The following ABCD4 variants were observed in gnomAD, a reference collection of about 807,000 sequenced individuals.
The protein encoded by ABCD4 is lysosomal cobalamin transporter ABCD4.
Under a neutral mutation model 86.3 loss-of-function variants are expected in ABCD4, and 53 were observed. The ratio of observed to expected loss-of-function variants is 0.61; its 90% CI spans 0.49 to 0.77. The LOEUF (loss-of-function observed/expected upper bound fraction) is 0.77. Ranked by LOEUF, ABCD4 falls within the 30% of genes least tolerant of loss-of-function variation. The pLI, the probability that ABCD4 is intolerant of heterozygous loss-of-function variation, is 0.00. For missense variants in ABCD4, 757 were observed against 764.5 expected (o/e 0.99, Z 0.12); for synonymous variants, 328 against 313.6 (o/e 1.05, Z -0.49).
intron 2 of ABCD4, 95 bp from the exon 3 acceptor site, chr14:74,299,770 G>A (rs1350321649): frequency 3.8e-6 from 5 of 1,329,384 alleles, no homozygotes; most frequent in Non-Finnish European, 2.1e-6. Flanking sequence ...ACCCCAAAGA[G>A]ATGAAAAGGG....
chr14:74,295,009 G>T, intron 7 of ABCD4, 139 bp downstream of exon 7: 2 of 1,012,044 alleles, frequency 2.0e-6, no homozygotes, highest in Non-Finnish European at 3.0e-6. Flanking sequence ...GCAGGGGGAG[G>T]TAGAGGGAGA....
At chr14:74,297,773 A>T in intron 4 of ABCD4, 157 bp downstream of exon 4, 1 of 1,385,150 alleles carries the variant, frequency 7.2e-7, no homozygotes, top group African/African-American at 1.5e-5. Context: ...CTTCTCCAGG[A>T]GTCCTCTGCA....
chr14:74,288,505 C>G (rs2080460088), intron 15 of ABCD4: 2 of 662,594 alleles, frequency 3.0e-6, no homozygotes, highest in Admixed American at 2.9e-5. Context: ...TTCATCAATC[C>G]TATTCTTGTT....
In ABCD4 at chr14:74,290,323, C is replaced by T. The variant is rs745414252; in HGVS notation, c.1295G>A (p.Arg432Gln). The change falls in exon 12 of 19, where the codon CGG becomes CAG. Residue 432 changes from arginine to glutamine, a missense_variant. Arg to Gln is a conservative substitution (Grantham distance 43). Transcript: ENST00000356924. ...NTGTGKTSLLRVLGGLWTSTR... is the reference protein window; with the variant it reads ...NTGTGKTSLLQVLGGLWTSTR... ...ACTCGTCCAGAGGCCACCCAGAACCCGGAGCAAGGAGGTCTTGCCAGTGCC... is the reference window on the plus strand; with the variant it reads ...ACTCGTCCAGAGGCCACCCAGAACCTGGAGCAAGGAGGTCTTGCCAGTGCC... The T allele has an allele frequency of 1.2e-5, 19 of 1,614,166 alleles. No individual in the cohort carries two copies. Among genetic ancestry groups the T allele is most frequent in the Non-Finnish European group, 1.4e-5 (17 of 1,180,042 alleles).
chr14:74,293,112 T>A, intron 8 of ABCD4, 42 bp downstream of exon 8: 5 of 1,595,000 alleles, frequency 3.1e-6, no homozygotes, highest in East Asian at 2.2e-5. Flanking sequence ...AGCAGACCAG[T>A]CCAACCCCAT....
rs757799492 is a variant in ABCD4 at position 74,290,045 on chromosome 14, G to A, written c.1401C>T (p.Asp467=). 1.1e-5 allele frequency: 18 copies of A among 1,614,004 alleles called. No individual in the cohort carries two copies. Among genetic ancestry groups the A allele is most frequent in the African/African-American group, 2.7e-5 (2 of 74,890 alleles). Residue 467 remains aspartate (D), a synonymous_variant, in exon 13 of 19, where the codon GAC becomes GAT. Transcript: ENST00000356924. ...GACTGACCTGCTCCCGAAGGGTCCCGTCAGTGAAGAATGGCTTTTGTGGCA... is the reference window on the plus strand; with the variant it reads ...GACTGACCTGCTCCCGAAGGGTCCCATCAGTGAAGAATGGCTTTTGTGGCA... The part of the protein sequence containing the change: ...LFLPQKPFFT[D]GTLREQVIYP...
At chr14:74,302,752 C>G in intron 1 of ABCD4, 123 bp downstream of exon 1, 2 of 1,171,564 alleles carry the variant, frequency 1.7e-6, no homozygotes. Flanking sequence ...CTCTTTCTCT[C>G]AGAAGTCACG....
Position 74,286,206 on chromosome 14 carries a change from AC to A in ABCD4, c.*254del, listed in dbSNP as rs1449401905. The stretch of plus-strand genomic sequence containing the variant: ...CTGAAATCATTTGTAGGTAATCAGC[AC>A]TTCAAGCATATGGAGGCTCTGGCTG... On this transcript the variant is annotated 3_prime_UTR_variant, in exon 19 of 19. Coordinates refer to ENST00000356924, the MANE Select transcript of ABCD4 (RefSeq NM_005050.4). 4 of 425,060 alleles carry A rather than the reference AC, an allele frequency of 9.4e-6. 1 individual carries two copies. The East Asian group carries it at 1.5e-4, about 16-fold the overall frequency. 26.3% of individuals were successfully genotyped at this position (425,060 alleles called of 1,614,324 possible).
chr14:74,293,174 G>A lies in ABCD4; in HGVS notation c.794C>T (p.Ser265Phe). ...RLLQTQRELMSKELWLYIGIN... is the reference protein window; with the variant it reads ...RLLQTQRELMFKELWLYIGIN... ...CCTACTGTACAGCCAGAGCTCCTTG[G>A]ACATCAGCTCCCTCTGGGTCTGAAG... Residue 265 changes from serine to phenylalanine, a missense_variant, in exon 8 of 19, where the codon TCC becomes TTC. Physicochemically the swap from Ser to Phe is radical, Grantham distance 155. Coordinates refer to ENST00000356924, the MANE Select transcript of ABCD4 (RefSeq NM_005050.4). The A allele has an allele frequency of 6.2e-7, 1 of 1,614,110 alleles. No individual in the cohort carries two copies. The highest frequency in any genetic ancestry group is 8.5e-7 in the Non-Finnish European group (1 of 1,180,008).
chr14:74,290,202 A>C lies in ABCD4; in HGVS notation c.1328-84T>G. The C allele has an allele frequency of 2.5e-6, 4 of 1,611,418 alleles. No homozygotes were observed. The South Asian group carries it at 4.4e-5, about 18-fold the overall frequency. ...TCCTCTCTTCCTTGTTCCCCAACAG[A>C]AAAGAATGGATTCTACCACACCGTC... On this transcript the variant is annotated intron_variant, in intron 12 of 18. Transcript: ENST00000356924.
Position 74,295,984 on chromosome 14 carries a change from AAT to A in ABCD4, c.543-7_543-6del, listed in dbSNP as rs1463509557. The A allele has an allele frequency of 5.0e-6, 8 of 1,599,318 alleles. No homozygotes were observed. Among genetic ancestry groups the A allele is most frequent in the African/African-American group, 1.4e-5 (1 of 72,988 alleles). On this transcript the variant is annotated splice_region_variant and splice_polypyrimidine_tract_variant and intron_variant, in intron 5 of 18. Coordinates refer to ENST00000356924, the MANE Select transcript of ABCD4 (RefSeq NM_005050.4). ...ACAGGCCCGAGCCAGCCTGTGCTGA[AAT>A]AGAGAGAGAGGGAGAGAAGGGAGAG...
chr14:74,298,374 C>T (rs931511235), intron 3 of ABCD4, among the ~76,000 whole-genome samples: 19 of 152,120 alleles, frequency 1.2e-4, no homozygotes, highest in Non-Finnish European at 2.2e-4. Context: ...CAGTTTCAAG[C>T]GATTCTCCTG....
At position 74,293,277 on chromosome 14, in the gene ABCD4, G is replaced by A. The variant is rs751199923; in HGVS notation, c.720-29C>T. On this transcript the variant is annotated intron_variant, in intron 7 of 18. Coordinates refer to ENST00000356924, the MANE Select transcript of ABCD4 (RefSeq NM_005050.4). ...ACAAGGAAAGGCTGGGATGTCCACA[G>A]GGCTGGAGAGGTTCAGCCAGGTTGG... The A allele has an allele frequency of 5.6e-6, 9 of 1,609,350 alleles. No homozygotes were observed. In the African/African-American group the frequency reaches 8.0e-5, roughly 14 times the overall value.
chr14:74,292,058 G>GAGAT (rs2081629518), intron 11 of ABCD4, among the ~76,000 whole-genome samples: 1 of 151,864 alleles, frequency 6.6e-6, no homozygotes, highest in Admixed American at 6.5e-5. Context: ...ATCTCAGGCA[G>GAGAT]AAGGTGTGTG....
Position 74,296,467 on chromosome 14 carries a change from G to C in ABCD4, c.426-18C>G, listed in dbSNP as rs1167117697. 6.2e-7 allele frequency: 1 copy of C among 1,612,718 alleles called. No individual in the cohort carries two copies. On this transcript the variant is annotated intron_variant, in intron 4 of 18. Coordinates refer to ENST00000356924, the MANE Select transcript of ABCD4 (RefSeq NM_005050.4). The stretch of plus-strand genomic sequence containing the variant: ...GCTGGTCCCTGGAGCCAATGACACA[G>C]AGTAGCTGGACCCAGGGAGATGGGC...
chr14:74,300,282 G>A lies in ABCD4; in HGVS notation c.39-14C>T, dbSNP rs762649369. On this transcript the variant is annotated splice_polypyrimidine_tract_variant and intron_variant, in intron 1 of 18. Coordinates refer to ENST00000356924, the MANE Select transcript of ABCD4 (RefSeq NM_005050.4). ...TCTAACCTGGGCCTGAAGAGAAGGT[G>A]GGGAGGCAGAGAAAAGCCCAAGACA... The A allele has an allele frequency of 6.4e-7, 1 of 1,562,164 alleles. No homozygotes were observed.
chr14:74,302,195 G>A (rs1409427348), intron 1 of ABCD4, among the ~76,000 whole-genome samples: 2 of 152,218 alleles, frequency 1.3e-5, no homozygotes, highest in African/African-American at 4.8e-5. Flanking sequence ...GCTTGTGGGG[G>A]TGTTAATACT....
chr14:74,302,913 G>T lies in ABCD4; in HGVS notation c.-1C>A. ...CGGGCGCGGGCCCCGCGACCGCCAT[G>T]ACCTGAGACCCGAGGGACTCTGGAG... On this transcript the variant is annotated 5_prime_UTR_variant, in exon 1 of 19. Transcript: ENST00000356924. The T allele has an allele frequency of 6.2e-7, 1 of 1,608,198 alleles. No homozygotes were observed. Among genetic ancestry groups the T allele is most frequent in the Non-Finnish European group, 8.5e-7 (1 of 1,177,578 alleles).
chr14:74,295,034 T>C (rs2139980634), intron 7 of ABCD4, 114 bp downstream of exon 7: 1 of 1,297,774 alleles, frequency 7.7e-7, no homozygotes, highest in Non-Finnish European at 1.1e-6. Context: ...CACAGCCAAG[T>C]GTGACAACAC....
Sources: allele counts gnomAD v4.1 joint callset (sites outside exome capture counted in the v4.1 genomes callset), GRCh38; gene constraint gnomAD v4.1.1; transcripts MANE v1.5; gene names NCBI Gene and HGNC (gene_info 2026-07-23, HGNC 2026-07-21).